Variants in CUX1 observed in about 807,000 individuals in gnomAD.
CUX1 encodes protein CASP.
CUX1 carries 31 observed loss-of-function variants against 158.8 expected under a neutral mutation model. The ratio of observed to expected loss-of-function variants is 0.20; its 90% CI spans 0.15 to 0.26. The LOEUF is 0.26. CUX1 is among the 10% of genes least tolerant of loss of function. CUX1 has a pLI of 1.00. For synonymous variants in CUX1, 879 were observed against 862.1 expected (o/e 1.02, Z -0.34); for missense variants, 1,589 against 2,014.6 (o/e 0.79, Z 4.04).
At chr7:101,984,170 GTGTGTT>G (rs1180036007) in intron 2 of CUX1, among the ~76,000 whole-genome samples, 35 of 138,434 alleles carry the variant, frequency 2.5e-4, no homozygotes, top group Non-Finnish European at 4.0e-4. Context: ...GTGTGTGTGT[GTGTGTT>G]AGGGGACAGA....
At chr7:102,140,725 C>T (rs550361177) in intron 8 of CUX1, among the ~76,000 whole-genome samples, 19 of 151,930 alleles carry the variant, frequency 1.3e-4, no homozygotes, top group Admixed American at 7.2e-4. Flanking sequence ...TTTAGCTGAG[C>T]GTGGTGGTGC....
chr7:102,077,876 A>ATT (rs5886215), intron 4 of CUX1, among the ~76,000 whole-genome samples: 32 of 144,152 alleles, frequency 2.2e-4, no homozygotes, highest in Middle Eastern at 7.0e-3. Flanking sequence ...GATACTTTTC[A>ATT]TTTTTTTTTT....
In CUX1 at chr7:102,104,488, C is replaced by G. The variant is rs1554487779; in HGVS notation, c.530+29C>G. ...AGCATGACTTCCAGGCACACACAGA[C>G]TGACATAGCATTTGCCCCTGAACTT... On this transcript the variant is annotated intron_variant, in intron 6 of 23. Transcript: ENST00000292535. 5 of 1,608,408 alleles carry G rather than the reference C, an allele frequency of 3.1e-6. No individual in the cohort carries two copies. In the Admixed American group the frequency reaches 8.5e-5, roughly 27 times the overall value.
chr7:101,840,278 T>C (rs1795081453), intron 1 of CUX1, among the ~76,000 whole-genome samples: 1 of 152,198 alleles, frequency 6.6e-6, no homozygotes, highest in African/African-American at 2.4e-5. Flanking sequence ...TGGAGTGACT[T>C]GCTGGCTAGA....
chr7:101,993,740 G>A (rs1815449883), intron 2 of CUX1, among the ~76,000 whole-genome samples: 1 of 152,168 alleles, frequency 6.6e-6, no homozygotes, highest in Non-Finnish European at 1.5e-5. Flanking sequence ...TCTGACTTCT[G>A]TCCCAGCCTC....
intron 5 of CUX1, 89 bp from the exon 6 acceptor site, chr7:102,104,247 A>T: frequency 7.6e-7 from 1 of 1,319,622 alleles, no homozygotes; most frequent in Non-Finnish European, 1.0e-6. Flanking sequence ...AAACACACCG[A>T]TCCTACCAGG....
rs10570840 is a variant in CUX1, at chr7:102,093,226, TAAAAAAAAA to T, written c.269-4127_269-4119del. Among the ~76,000 whole-genome samples the T allele has an allele frequency of 1.3e-3, 175 of 139,722 alleles. 2 individuals carry two copies. Among genetic ancestry groups the T allele is most frequent in the African/African-American group, 3.5e-3 (135 of 38,444 alleles). 91.7% of individuals were successfully genotyped at this position (139,722 alleles called of 152,430 possible). ...AGGCTGGAGTGAGACCCTATCTCTT[TAAAAAAAAA>T]AAAAAAAAAAGAAAGTCATAGCTCT... On this transcript the variant is annotated intron_variant, in intron 4 of 23. Coordinates refer to ENST00000292535, the MANE Select transcript of CUX1 (RefSeq NM_181552.4).
chr7:102,039,312 T>C (rs1054617218), intron 3 of CUX1, among the ~76,000 whole-genome samples: 1 of 152,098 alleles, frequency 6.6e-6, no homozygotes, highest in African/African-American at 2.4e-5. Flanking sequence ...CCAGAAGTGC[T>C]AAGGTTGGTG....
At chr7:101,835,173 C>A (rs1056304509) in intron 1 of CUX1, among the ~76,000 whole-genome samples, 3 of 152,100 alleles carry the variant, frequency 2.0e-5, no homozygotes, top group African/African-American at 7.2e-5. Flanking sequence ...CCTGTACCCC[C>A]GGCACCCCGT....
chr7:101,918,133 G>A (rs1804453420), intron 2 of CUX1, among the ~76,000 whole-genome samples: 1 of 152,218 alleles, frequency 6.6e-6, no homozygotes, highest in Admixed American at 6.5e-5. Flanking sequence ...AAGAGGCCTG[G>A]CTTCCTGGGT....
rs549156640 is a variant in CUX1 at position 101,938,715 on chromosome 7, G to A, written c.141+22490G>A. ...GAGGTCAGGAATTCGAGACCAGCCT[G>A]GCCAACATGGCAAAACCCTGTCTCT... On this transcript the variant is annotated intron_variant, in intron 2 of 23. Coordinates refer to ENST00000292535, the MANE Select transcript of CUX1 (RefSeq NM_181552.4). Among the ~76,000 whole-genome samples, 5 of 152,140 alleles carry A rather than the reference G, an allele frequency of 3.3e-5. No homozygotes were observed. In the East Asian group the frequency reaches 9.7e-4, roughly 30 times the overall value.
chr7:101,917,418 G>A (rs1424406567), intron 2 of CUX1, among the ~76,000 whole-genome samples: 1 of 152,148 alleles, frequency 6.6e-6, no homozygotes, highest in Non-Finnish European at 1.5e-5. Flanking sequence ...CCAGCTAAGG[G>A]TTCAAATCTC....
chr7:101,942,134 G>A (rs567870051), intron 2 of CUX1, among the ~76,000 whole-genome samples: 30 of 152,294 alleles, frequency 2.0e-4, no homozygotes, highest in African/African-American at 6.7e-4. Context: ...TTAGGGTACT[G>A]CAGGTTTAGC....
intron 8 of CUX1, among the ~76,000 whole-genome samples, chr7:102,155,933 G>A (rs1789698263): frequency 6.6e-6 from 1 of 152,178 alleles, no homozygotes; most frequent in Non-Finnish European, 1.5e-5. Flanking sequence ...CCTTCTTCAT[G>A]AAATCGTCCT....
intron 20 of CUX1, among the ~76,000 whole-genome samples, chr7:102,223,451 C>A (rs545876629): frequency 2.6e-5 from 4 of 152,174 alleles, no homozygotes; most frequent in Non-Finnish European, 5.9e-5. Flanking sequence ...TGCAGTGGCT[C>A]ACCCTGTCAG....
chr7:102,217,581 A>G (rs1475035448), intron 20 of CUX1, among the ~76,000 whole-genome samples: 22 of 152,194 alleles, frequency 1.4e-4, no homozygotes, highest in African/African-American at 4.8e-4. Flanking sequence ...GATGGATGCC[A>G]TGGTGTCTAG....
rs1471296309 is a variant in CUX1, at chr7:102,255,681, A to G, written c.*6639A>G. The G allele has an allele frequency of 2.0e-6, 2 of 985,308 alleles. No individual in the cohort carries two copies. Among genetic ancestry groups the G allele is most frequent in the African/African-American group, 1.7e-5 (1 of 57,236 alleles). The allele number at this position is 985,308 out of a possible 1,614,324, so 61.0% of individuals were successfully genotyped here. On this transcript the variant is annotated 3_prime_UTR_variant, in exon 24 of 24. Coordinates refer to ENST00000292535, the MANE Select transcript of CUX1 (RefSeq NM_181552.4). Reference sequence around the variant, plus strand: ...ATCCCAATGTCACGGCTACATCCCTATGGAAATTAATCAGAAGCACAGTGT... The same window carrying G: ...ATCCCAATGTCACGGCTACATCCCTGTGGAAATTAATCAGAAGCACAGTGT...
chr7:101,924,559 T>G (rs1366424945), intron 2 of CUX1, among the ~76,000 whole-genome samples: 1 of 151,484 alleles, frequency 6.6e-6, no homozygotes, highest in African/African-American at 2.4e-5. Context: ...AATTACTTTT[T>G]TCCTTTTTTT....
At chr7:102,171,298 G>A (rs1586031113) in intron 10 of CUX1, among the ~76,000 whole-genome samples, 1 of 152,104 alleles carries the variant, frequency 6.6e-6, no homozygotes, top group South Asian at 2.1e-4. Context: ...CCGTTTCCCC[G>A]CCTGTAAACT....
Sources: allele counts gnomAD v4.1 joint callset (sites outside exome capture counted in the v4.1 genomes callset), GRCh38; gene constraint gnomAD v4.1.1; transcripts MANE v1.5; gene names NCBI Gene and HGNC (gene_info 2026-07-23, HGNC 2026-07-21).